The following IL4I1 variants were observed in gnomAD, a reference collection of about 807,000 sequenced individuals.
The protein encoded by IL4I1 is L-amino-acid oxidase.
Under a neutral mutation model 29.7 loss-of-function variants are expected in IL4I1, and 24 were observed. The observed-to-expected ratio is 0.81, with a 90% CI of 0.59 to 1.14. The LOEUF (loss-of-function observed/expected upper bound fraction) is 1.14, where lower values mean the gene tolerates loss of function less well. Ranked by LOEUF, IL4I1 falls within the 50% of genes most tolerant of loss-of-function variation. IL4I1 has a pLI of 0.00. For missense variants in IL4I1, 686 were observed against 785.6 expected (o/e 0.87, Z 1.52); for synonymous variants, 371 against 352.5 (o/e 1.05, Z -0.59).
chr19:49,906,714 A>G (rs749978949), intron 2 of IL4I1: 3 of 152,106 alleles, frequency 2.0e-5, no homozygotes, highest in Non-Finnish European at 4.4e-5. Context: ...GCACTACTTC[A>G]TTTGCTTGCC....
At chr19:49,911,696 C>A (rs993971436) in intron 2 of IL4I1, among the ~76,000 whole-genome samples, 2 of 152,242 alleles carry the variant, frequency 1.3e-5, no homozygotes, top group African/African-American at 4.8e-5. Context: ...GCCAGTAGAT[C>A]TCAATGGGCG....
chr19:49,891,576 G>A, intron 5 of IL4I1, 103 bp from the exon 6 acceptor site: 1 of 1,015,994 alleles, frequency 9.8e-7, no homozygotes, highest in Admixed American at 1.8e-5. Flanking sequence ...TCTGCCCACG[G>A]CTGGCCATTC....
At chr19:49,898,579 C>T (rs1439443589), upstream of IL4I1, among the ~76,000 whole-genome samples, 1 of 152,012 alleles carries the variant, frequency 6.6e-6, no homozygotes, top group Non-Finnish European at 1.5e-5. Flanking sequence ...ACAATGCCTG[C>T]ATTTGAGGCC....
intron 2 of IL4I1, among the ~76,000 whole-genome samples, chr19:49,922,462 G>A (rs1195652755): frequency 2.0e-5 from 3 of 151,914 alleles, no homozygotes; most frequent in Non-Finnish European, 2.9e-5. Context: ...GGGCTGTGTC[G>A]GAATGAAGCC....
intron 5 of IL4I1, among the ~76,000 whole-genome samples, chr19:49,894,020 T>C (rs1422569636): frequency 7.2e-6 from 1 of 139,152 alleles, no homozygotes; most frequent in Non-Finnish European, 1.5e-5. Context: ...AAGAAGGGAG[T>C]TGAGAGATGA....
At chr19:49,927,890 C>G (rs1173520447) in intron 1 of IL4I1, 3 of 152,286 alleles carry the variant, frequency 2.0e-5, no homozygotes, top group African/African-American at 7.2e-5. Context: ...GGCAAGATGG[C>G]TACCCTGTGA....
At chr19:49,924,502 A>C (rs561007707) in intron 2 of IL4I1, among the ~76,000 whole-genome samples, 2 of 151,848 alleles carry the variant, frequency 1.3e-5, no homozygotes, top group Admixed American at 6.6e-5. Flanking sequence ...GCCTGCAACC[A>C]CCGCCTCACT....
At chr19:49,908,896 G>A (rs745528659) in intron 2 of IL4I1, 15 of 1,608,748 alleles carry the variant, frequency 9.3e-6, no homozygotes, top group South Asian at 4.4e-5. Context: ...CTGCTGTATT[G>A]CTGGGGATCC....
intron 3 of IL4I1, 53 bp from the exon 4 acceptor site, chr19:49,895,233 C>A: frequency 1.4e-6 from 2 of 1,447,434 alleles, no homozygotes; most frequent in Non-Finnish European, 1.9e-6. Flanking sequence ...CACTGACCAT[C>A]CCCTGCCCTC....
chr19:49,907,689 C>A, intron 2 of IL4I1: 2 of 352,914 alleles, frequency 5.7e-6, no homozygotes, highest in Non-Finnish European at 1.1e-5. Flanking sequence ...CAGGCGTCCA[C>A]CACACCTGAC....
exon 1 of IL4I1, chr19:49,929,336 C>G (rs1023978029): frequency 4.5e-5 from 7 of 155,012 alleles, no homozygotes; most frequent in African/African-American, 1.7e-4. Flanking sequence ...CACGCCTGCG[C>G]TCTCCGCTCC....
At chr19:49,908,699 T>C (rs768700028) in intron 2 of IL4I1, 1 of 1,612,450 alleles carries the variant, frequency 6.2e-7, no homozygotes, top group South Asian at 1.1e-5. Flanking sequence ...GGTGATCTTT[T>C]CTCCATTCTC....
At chr19:49,906,401 G>A (rs766908032) in intron 2 of IL4I1, among the ~76,000 whole-genome samples, 2 of 152,138 alleles carry the variant, frequency 1.3e-5, no homozygotes, top group Non-Finnish European at 2.9e-5. Flanking sequence ...TTATAGAGAC[G>A]GGGTTTCACC....
intron 5 of IL4I1, among the ~76,000 whole-genome samples, chr19:49,893,985 CAAAAA>C (rs996597872): frequency 2.0e-4 from 4 of 19,672 alleles, no homozygotes; most frequent in Non-Finnish European, 3.0e-4. Context: ...GACTCCATCT[CAAAAA>C]AAAAAAAAAA....
chr19:49,898,390 G>A (rs1225631021), upstream of IL4I1, among the ~76,000 whole-genome samples: 1 of 152,196 alleles, frequency 6.6e-6, no homozygotes, highest in East Asian at 1.9e-4. Context: ...TGTAATCCTA[G>A]CACTTTGGGA....
upstream of IL4I1, among the ~76,000 whole-genome samples, chr19:49,900,947 C>T (rs2075265930): frequency 6.6e-6 from 1 of 152,236 alleles, no homozygotes; most frequent in Non-Finnish European, 1.5e-5. Context: ...GGCCCTGGCC[C>T]CACTGGGGGC....
At chr19:49,929,378 C>T (rs540640319) in exon 1 of IL4I1, 7 of 154,206 alleles carry the variant, frequency 4.5e-5, no homozygotes, top group Admixed American at 3.9e-4. Flanking sequence ...GCCGCCGCCG[C>T]CTCTCCTTGC....
At position 49,895,856 on chromosome 19, in the gene IL4I1, C is replaced by T. The variant is rs767862749; in HGVS notation, c.211G>A (p.Gly71Arg). 9 of 1,614,056 alleles carry T rather than the reference C, an allele frequency of 5.6e-6. No individual in the cohort carries two copies. The highest frequency in any genetic ancestry group is 2.2e-5 in the South Asian group (2 of 91,084). ...RVIVVGAGVAGLVAAKVLSDA... is the reference protein window; with the variant it reads ...RVIVVGAGVARLVAAKVLSDA... Reference sequence around the variant, plus strand: ...CTGAGCACCTTGGCGGCCACCAGCCCGGCCACACCAGCGCCAACCACAATC... The same window carrying T: ...CTGAGCACCTTGGCGGCCACCAGCCTGGCCACACCAGCGCCAACCACAATC... The change falls in exon 3 of 8, where the codon GGG (glycine) becomes AGG (arginine). Residue 71 changes from glycine (G) to arginine (R), a missense_variant. Gly to Arg is a moderately radical substitution (Grantham distance 125). Coordinates refer to ENST00000391826, the MANE Select transcript of IL4I1 (RefSeq NM_152899.2).
chr19:49,914,762 T>G (rs1235441404), intron 2 of IL4I1, among the ~76,000 whole-genome samples: 2 of 119,180 alleles, frequency 1.7e-5, no homozygotes, highest in Non-Finnish European at 3.5e-5. Flanking sequence ...TTTTTTGAGA[T>G]GGAGTCTTGC....
Sources: allele counts gnomAD v4.1 joint callset (sites outside exome capture counted in the v4.1 genomes callset), GRCh38; gene constraint gnomAD v4.1.1; transcripts MANE v1.5; gene names NCBI Gene and HGNC (gene_info 2026-07-23, HGNC 2026-07-21).